The following ARID3B variants were observed in gnomAD, a reference collection of about 807,000 sequenced individuals.
The protein encoded by ARID3B is AT-rich interaction domain 3B.
Under a neutral mutation model 51.9 loss-of-function variants are expected in ARID3B, and 10 were observed. The observed-to-expected ratio is 0.19, with a 90% confidence interval of 0.12 to 0.33. The LOEUF (loss-of-function observed/expected upper bound fraction) is 0.33, where lower values mean the gene tolerates loss of function less well. ARID3B is among the 10% of genes least tolerant of loss of function. The probability of loss-of-function intolerance (pLI) is 1.00; values close to 1 mark genes in which losing one functional copy is unlikely to be tolerated. For synonymous variants in ARID3B, 205 were observed against 279.5 expected, an observed-to-expected ratio of 0.73 and a Z score of 2.66; for missense variants, 483 against 716.3, an observed-to-expected ratio of 0.67 and a Z score of 3.72.
chr15:74,579,649 C>A lies in ARID3B; in HGVS notation c.697+6445C>A, dbSNP rs142975538. Among the ~76,000 whole-genome samples, 921 of 152,206 alleles carry A rather than the reference C, an allele frequency of 6.1e-3. 5 individuals carry two copies. Among genetic ancestry groups the A allele is most frequent in the African/African-American group, 0.022 (894 of 41,518 alleles). The stretch of plus-strand genomic sequence containing the variant: ...AAACATCACCAGGAATCTCCGAGAC[C>A]AAATGCTTCTCTCCTGTCCTTGCTG... On this transcript the variant is annotated intron_variant, in intron 4 of 8. Coordinates refer to ENST00000346246, the MANE Select transcript of ARID3B (RefSeq NM_006465.4).
chr15:74,576,204 C>T (rs1295249238), intron 4 of ARID3B, among the ~76,000 whole-genome samples: 3 of 152,052 alleles, frequency 2.0e-5, no homozygotes, highest in Non-Finnish European at 2.9e-5. Flanking sequence ...TACTGTAGGA[C>T]GTTTAGCAGT....
At chr15:74,562,038 C>CT (rs1226687769) in intron 2 of ARID3B, among the ~76,000 whole-genome samples, 3 of 108,936 alleles carry the variant, frequency 2.8e-5, no homozygotes, top group Admixed American at 1.2e-4. Flanking sequence ...AAGACTCTGT[C>CT]TTAAAAAAAA....
chr15:74,546,287 C>T (rs985513493), intron 2 of ARID3B, among the ~76,000 whole-genome samples: 10 of 151,508 alleles, frequency 6.6e-5, no homozygotes, highest in Admixed American at 2.6e-4. Context: ...AGTTCCATAC[C>T]GGCCGCTGAG....
intron 3 of ARID3B, 34 bp downstream of exon 3, chr15:74,572,967 G>A (rs959656063): frequency 3.1e-6 from 5 of 1,609,568 alleles, no homozygotes; most frequent in Admixed American, 3.3e-5. Flanking sequence ...ACAGATAGGG[G>A]CAGTTCTGCA....
intron 2 of ARID3B, among the ~76,000 whole-genome samples, chr15:74,545,679 A>G (rs1371132369): frequency 6.6e-6 from 1 of 152,182 alleles, no homozygotes; most frequent in Non-Finnish European, 1.5e-5. Flanking sequence ...CATTTGTGAA[A>G]AGCTGTGGGT....
chr15:74,578,242 C>T (rs113950166), intron 4 of ARID3B, among the ~76,000 whole-genome samples: 7 of 151,350 alleles, frequency 4.6e-5, no homozygotes, highest in Non-Finnish European at 1.0e-4. Flanking sequence ...GGCACCATCT[C>T]GGCTCACTGC....
Position 74,589,941 on chromosome 15 carries a change from G to A in ARID3B, c.819G>A (p.Glu273=), listed in dbSNP as rs1448073407. The part of the protein sequence containing the change: ...VEIINKKIWR[E]ITKGLNLPTS... Reference sequence around the variant, plus strand: ...TCATCAACAAGAAGATCTGGAGGGAGATCACCAAAGGCCTAAACCTGCCCA... The same window carrying A: ...TCATCAACAAGAAGATCTGGAGGGAAATCACCAAAGGCCTAAACCTGCCCA... The change falls in exon 5 of 9, where the codon GAG becomes GAA. Residue 273 remains glutamate (E), a synonymous_variant. Transcript: ENST00000346246. The A allele has an allele frequency of 6.2e-7, 1 of 1,613,942 alleles. No homozygotes were observed. Among genetic ancestry groups the A allele is most frequent in the Non-Finnish European group, 8.5e-7 (1 of 1,179,996 alleles).
chr15:74,580,691 T>C (rs2141472326), intron 4 of ARID3B, among the ~76,000 whole-genome samples: 1 of 152,302 alleles, frequency 6.6e-6, no homozygotes, highest in East Asian at 1.9e-4. Flanking sequence ...CGCGGTCTCC[T>C]AACTCCCAGG....
rs1356643715 is a variant in ARID3B at position 74,572,097 on chromosome 15, G to A, written c.553-765G>A. On this transcript the variant is annotated intron_variant, in intron 2 of 8. Coordinates refer to ENST00000346246, the MANE Select transcript of ARID3B (RefSeq NM_006465.4). The stretch of plus-strand genomic sequence containing the variant: ...GCATTCCAGCTTGGGCAACAAGAGC[G>A]AAACTCCATCTCAGAAAAAGAAAAA... 5.3e-5 allele frequency among the ~76,000 whole-genome samples: 8 copies of A among 151,306 alleles called. No homozygotes were observed. In the South Asian group the frequency reaches 6.3e-4, roughly 12 times the overall value.
intron 1 of ARID3B, 93 bp from the exon 2 acceptor site, chr15:74,543,766 TG>T: frequency 2.6e-6 from 2 of 765,190 alleles, no homozygotes; most frequent in Non-Finnish European, 4.1e-6. Context: ...TCGGAACTCA[TG>T]GCCCTCTACT....
chr15:74,553,475 G>T (rs1318655932), intron 2 of ARID3B, among the ~76,000 whole-genome samples: 1 of 152,176 alleles, frequency 6.6e-6, no homozygotes, highest in Non-Finnish European at 1.5e-5. Context: ...TGGTTTCATT[G>T]TTGGCTAGTA....
At chr15:74,592,498 C>G (rs2061807410) in intron 7 of ARID3B, among the ~76,000 whole-genome samples, 1 of 152,180 alleles carries the variant, frequency 6.6e-6, no homozygotes. Context: ...CCCCATTGCC[C>G]TTGGGGACCA....
chr15:74,579,877 G>GCA (rs1567124246), intron 4 of ARID3B, among the ~76,000 whole-genome samples: 13 of 138,256 alleles, frequency 9.4e-5, no homozygotes, highest in South Asian at 2.1e-4. Context: ...GTGTGTGCGC[G>GCA]CGCGCGCACA....
In ARID3B at chr15:74,572,942, T is replaced by C; in HGVS notation, c.624+9T>C. The C allele has an allele frequency of 1.2e-6, 2 of 1,614,058 alleles. No homozygotes were observed. Among genetic ancestry groups the C allele is most frequent in the Non-Finnish European group, 8.5e-7 (1 of 1,179,872 alleles). On this transcript the variant is annotated intron_variant, in intron 3 of 8. Coordinates refer to ENST00000346246, the MANE Select transcript of ARID3B (RefSeq NM_006465.4). ...CTCGAGATTTTGCCAAGGTCTGTAA[T>C]ACTTCCTTTGTGATACAGATAGGGG...
At position 74,596,738 on chromosome 15, in the gene ARID3B, T is replaced by C. The variant is rs745840904; in HGVS notation, c.*964T>C. 1.1e-4 allele frequency: 26 copies of C among 233,596 alleles called. No individual in the cohort carries two copies. Among genetic ancestry groups the C allele is most frequent in the Admixed American group, 6.2e-4 (11 of 17,786 alleles). 14.5% of individuals were successfully genotyped at this position (233,596 alleles called of 1,614,324 possible). ...AGATTTGTAATTGTTGATGTTTGAG[T>C]CTTCAGGAAGTATTTGCATCTCTGA... On this transcript the variant is annotated 3_prime_UTR_variant, in exon 9 of 9. Transcript: ENST00000346246.
At chr15:74,549,110 GTCAC>G in intron 2 of ARID3B, among the ~76,000 whole-genome samples, 1 of 150,560 alleles carries the variant, frequency 6.6e-6, no homozygotes, top group Non-Finnish European at 1.5e-5. Flanking sequence ...GTGTCTCGCT[GTCAC>G]TCAGGCTAGA....
intron 4 of ARID3B, among the ~76,000 whole-genome samples, chr15:74,585,938 G>T (rs1056538665): frequency 6.6e-6 from 1 of 152,194 alleles, no homozygotes; most frequent in Non-Finnish European, 1.5e-5. Flanking sequence ...GAGAGCCCTC[G>T]GCATAGCCTC....
intron 2 of ARID3B, among the ~76,000 whole-genome samples, chr15:74,551,297 T>G (rs1452408468): frequency 6.6e-6 from 1 of 152,242 alleles, no homozygotes; most frequent in Non-Finnish European, 1.5e-5. Context: ...CACTCTGGTG[T>G]TCTGAAGTTC....
chr15:74,559,338 C>CT (rs2061670544), intron 2 of ARID3B, among the ~76,000 whole-genome samples: 1 of 152,226 alleles, frequency 6.6e-6, no homozygotes, highest in Non-Finnish European at 1.5e-5. Flanking sequence ...TCCAGCTTTT[C>CT]TATGTGAGGT....
Sources: allele counts gnomAD v4.1 joint callset (sites outside exome capture counted in the v4.1 genomes callset), GRCh38; gene constraint gnomAD v4.1.1; transcripts MANE v1.5; gene names NCBI Gene and HGNC (gene_info 2026-07-23, HGNC 2026-07-21).